METTL15: variants seen among roughly 807,000 people sequenced by gnomAD.
METTL15 encodes the protein methyltransferase 15, mitochondrial 12S rRNA N4-cytidine, also known as 12S rRNA N(4)-cytidine methyltransferase METTL15.
METTL15 carries 34 observed loss-of-function variants against 38.3 expected under a neutral mutation model. That is an observed-to-expected ratio of 0.89 (90% confidence interval 0.68 to 1.18). The LOEUF (loss-of-function observed/expected upper bound fraction) is 1.18. METTL15 is among the 50% of genes most tolerant of loss of function. METTL15 has a pLI of 0.00. For missense variants in METTL15, 438 were observed against 498.4 expected, an observed-to-expected ratio of 0.88 and a Z score of 1.15; for synonymous variants, 162 against 170.9, an observed-to-expected ratio of 0.95 and a Z score of 0.41.
chr11:28,178,362 C>T (rs1851155268), intron 3 of METTL15, among the ~76,000 whole-genome samples: 2 of 151,894 alleles, frequency 1.3e-5, no homozygotes, highest in Non-Finnish European at 2.9e-5. Flanking sequence ...TAGAAATTTA[C>T]TTTGTCTCCA....
At chr11:28,417,741 C>G (rs1304515491) in intron 5 of METTL15, among the ~76,000 whole-genome samples, 1 of 152,062 alleles carries the variant, frequency 6.6e-6, no homozygotes, top group African/African-American at 2.4e-5. Flanking sequence ...GTGTGACTCC[C>G]TGGCCACTGA....
chr11:28,322,575 T>A (rs1054988549), intron 6 of METTL15, among the ~76,000 whole-genome samples: 1 of 152,150 alleles, frequency 6.6e-6, no homozygotes, highest in African/African-American at 2.4e-5. Flanking sequence ...TAAATTGGTA[T>A]AATCTATTTA....
chr11:28,263,786 C>T (rs1390171228), intron 4 of METTL15, among the ~76,000 whole-genome samples: 1 of 152,000 alleles, frequency 6.6e-6, no homozygotes, highest in Non-Finnish European at 1.5e-5. Context: ...ATCTCTGATA[C>T]TTGGCTTCGT....
At chr11:28,531,318 A>T (rs1379398875), downstream of METTL15, among the ~76,000 whole-genome samples, 1 of 152,010 alleles carries the variant, frequency 6.6e-6, no homozygotes, top group African/African-American at 2.4e-5. Context: ...TGCTTTTATT[A>T]GTTCAACCAA....
At position 28,516,514 on chromosome 11, in the gene METTL15, C is replaced by A. The variant is rs191004543; in HGVS notation, c.*425-9964C>A. ...AGGTCTTTGTAATTTAAATTAAGTT[C>A]TTTTTCCTCTACTCCATACTACTCT... On this transcript the variant is annotated intron_variant and NMD_transcript_variant, in intron 6 of 7. Transcript: ENST00000532947. 2.0e-5 allele frequency among the ~76,000 whole-genome samples: 3 copies of A among 152,278 alleles called. No homozygotes were observed. In the East Asian group the frequency reaches 5.8e-4, roughly 29 times the overall value.
chr11:28,134,548 A>G (rs1201875417), intron 3 of METTL15: 10 of 398,420 alleles, frequency 2.5e-5, no homozygotes, highest in Non-Finnish European at 4.4e-5. Flanking sequence ...TCCTTCAGCA[A>G]CTGCTGTTGC....
intron 6 of METTL15, among the ~76,000 whole-genome samples, chr11:28,480,680 T>G (rs534444133): frequency 5.3e-5 from 8 of 152,202 alleles, no homozygotes; most frequent in Non-Finnish European, 8.8e-5. Context: ...CAATCGTATA[T>G]TATTGTTTCA....
At chr11:28,522,249 G>A (rs11030362) in intron 6 of METTL15, among the ~76,000 whole-genome samples, 1 of 152,186 alleles carries the variant, frequency 6.6e-6, no homozygotes, top group Non-Finnish European at 1.5e-5. Context: ...GGATAATCCA[G>A]AAAAACTGAA....
At chr11:28,313,841 G>A (rs1379237880) in intron 6 of METTL15, among the ~76,000 whole-genome samples, 1 of 151,920 alleles carries the variant, frequency 6.6e-6, no homozygotes, top group Non-Finnish European at 1.5e-5. Context: ...CATATTTAAG[G>A]GATTTTTTTT....
At chr11:28,456,295 G>A (rs1463031645) in intron 6 of METTL15, among the ~76,000 whole-genome samples, 1 of 152,060 alleles carries the variant, frequency 6.6e-6, no homozygotes, top group Non-Finnish European at 1.5e-5. Context: ...GGCATTGACT[G>A]CCATGTCCCA....
downstream of METTL15, among the ~76,000 whole-genome samples, chr11:28,335,902 A>G (rs776922206): frequency 1.3e-5 from 2 of 152,206 alleles, no homozygotes; most frequent in Non-Finnish European, 2.9e-5. Context: ...GGTGTTCTTT[A>G]TAGAATTAAA....
At chr11:28,257,650 G>A (rs1855027585) in intron 4 of METTL15, among the ~76,000 whole-genome samples, 1 of 151,694 alleles carries the variant, frequency 6.6e-6, no homozygotes, top group Non-Finnish European at 1.5e-5. Context: ...TCTTTCTTCT[G>A]CTTGATCCAT....
downstream of METTL15, among the ~76,000 whole-genome samples, chr11:28,336,558 A>G (rs1849902608): frequency 6.6e-6 from 1 of 152,196 alleles, no homozygotes; most frequent in Non-Finnish European, 1.5e-5. Context: ...CTGGTGGAAG[A>G]TAGGTGGACT....
chr11:28,466,748 G>T (rs1378667837), intron 6 of METTL15, among the ~76,000 whole-genome samples: 2 of 152,158 alleles, frequency 1.3e-5, no homozygotes, highest in African/African-American at 4.8e-5. Context: ...CTCTGCCGCA[G>T]GCTAGTTTAT....
At chr11:28,207,515 A>G (rs1852403401) in intron 3 of METTL15, among the ~76,000 whole-genome samples, 1 of 152,092 alleles carries the variant, frequency 6.6e-6, no homozygotes. Flanking sequence ...GCTTGCCAGT[A>G]TTTTATTGAG....
At chr11:28,515,264 A>G (rs1851709983) in intron 6 of METTL15, among the ~76,000 whole-genome samples, 1 of 152,216 alleles carries the variant, frequency 6.6e-6, no homozygotes, top group African/African-American at 2.4e-5. Flanking sequence ...TTAACTCTAC[A>G]TATTTAATCC....
chr11:28,430,332 T>G (rs1850908253), intron 6 of METTL15, among the ~76,000 whole-genome samples: 1 of 76,962 alleles, frequency 1.3e-5, no homozygotes, highest in African/African-American at 4.5e-5. Context: ...GGTGAGGGGG[T>G]CAGCCCCCCG....
intron 4 of METTL15, among the ~76,000 whole-genome samples, chr11:28,258,477 C>T (rs1855063701): frequency 6.6e-6 from 1 of 152,076 alleles, no homozygotes; most frequent in Non-Finnish European, 1.5e-5. Context: ...AAATGAATTC[C>T]CTCTGGGTTG....
At chr11:28,312,636 C>A (rs976087691) in intron 6 of METTL15, among the ~76,000 whole-genome samples, 3 of 152,108 alleles carry the variant, frequency 2.0e-5, no homozygotes, top group African/African-American at 7.2e-5. Flanking sequence ...AATTTATAAT[C>A]AACAGAAATG....
Sources: gnomAD v4.1 joint callset for allele counts (sites outside exome capture counted in the v4.1 genomes callset) on GRCh38, gnomAD v4.1.1 for gene constraint, MANE v1.5 for transcripts, NCBI Gene and HGNC (gene_info 2026-07-23, HGNC 2026-07-21) for gene names.